NAA35: variants seen among roughly 807,000 people sequenced by gnomAD.
The protein encoded by NAA35 is N-alpha-acetyltransferase 35, NatC auxiliary subunit.
Under a neutral mutation model 101.7 loss-of-function variants are expected in NAA35, and 18 were observed. The observed-to-expected ratio is 0.18, with a 90% CI of 0.12 to 0.26. The LOEUF (loss-of-function observed/expected upper bound fraction) is 0.26, where lower values mean the gene tolerates loss of function less well. Ranked by LOEUF, NAA35 falls within the 10% of genes least tolerant of loss-of-function variation. NAA35 has a pLI of 1.00. For synonymous variants in NAA35, 267 were observed against 273.1 expected (o/e 0.98, Z 0.22); for missense variants, 601 against 886.8 (o/e 0.68, Z 4.09).
At chr9:85,960,102 T>C (rs989965090) in intron 5 of NAA35, among the ~76,000 whole-genome samples, 5 of 152,250 alleles carry the variant, frequency 3.3e-5, no homozygotes, top group Non-Finnish European at 1.5e-5. Flanking sequence ...GATAATATTA[T>C]AGCCGTGGTT....
intron 11 of NAA35, among the ~76,000 whole-genome samples, chr9:85,995,512 G>A (rs1251384132): frequency 6.6e-6 from 1 of 151,934 alleles, no homozygotes; most frequent in African/African-American, 2.4e-5. Flanking sequence ...TATTTGCGTG[G>A]TCCTAAAGAA....
chr9:86,005,082 C>G (rs576115396), intron 13 of NAA35, among the ~76,000 whole-genome samples: 2 of 152,010 alleles, frequency 1.3e-5, no homozygotes. Context: ...AAATCTTATT[C>G]CATGAACACA....
intron 1 of NAA35, 100 bp downstream of exon 1, chr9:85,941,373 C>T (rs975881650): frequency 1.0e-6 from 1 of 985,530 alleles, no homozygotes; most frequent in Non-Finnish European, 1.2e-6. Context: ...CCCCAGGTCA[C>T]CCTGCGGCCC....
chr9:85,956,470 C>T, intron 3 of NAA35, 77 bp downstream of exon 3: 2 of 774,238 alleles, frequency 2.6e-6, no homozygotes, highest in South Asian at 5.3e-5. Context: ...AGTAATATTC[C>T]CTGAAGTTTG....
intron 17 of NAA35, among the ~76,000 whole-genome samples, chr9:86,015,123 ATGGGACCTT>A (rs913826156): frequency 6.2e-4 from 94 of 152,280 alleles, no homozygotes; most frequent in African/African-American, 2.2e-3. Flanking sequence ...GAAGCAGCTA[ATGGGACCTT>A]TGTTCTTGAT....
chr9:86,004,887 A>C (rs1290479731), intron 13 of NAA35, among the ~76,000 whole-genome samples: 1 of 152,226 alleles, frequency 6.6e-6, no homozygotes, highest in Non-Finnish European at 1.5e-5. Context: ...TTATCTATTA[A>C]ATAAATCAGA....
At chr9:85,966,809 C>T in intron 6 of NAA35, 1 of 312,318 alleles carries the variant, frequency 3.2e-6, no homozygotes, top group Non-Finnish European at 5.8e-6. Context: ...ATAACTCAGC[C>T]TTAAAGAAAT....
intron 17 of NAA35, among the ~76,000 whole-genome samples, chr9:86,015,104 T>C (rs1056194163): frequency 2.0e-5 from 3 of 152,176 alleles, no homozygotes; most frequent in African/African-American, 4.8e-5. Context: ...TCAGGTTCTT[T>C]TGTGGCTTGA....
chr9:86,006,765 A>C (rs1230635234), intron 13 of NAA35, among the ~76,000 whole-genome samples: 1 of 152,194 alleles, frequency 6.6e-6, no homozygotes, highest in Non-Finnish European at 1.5e-5. Context: ...TGTTAGACTT[A>C]TAACTGTACA....
Position 85,941,574 on chromosome 9 carries a change from C to T in NAA35, c.-6+301C>T. 3 of 985,900 alleles carry T rather than the reference C, an allele frequency of 3.0e-6. No individual in the cohort carries two copies. In the South Asian group the frequency reaches 1.4e-4, roughly 46 times the overall value. 61.1% of individuals were successfully genotyped at this position (985,900 alleles called of 1,614,324 possible). On this transcript the variant is annotated intron_variant, in intron 1 of 22. Transcript: ENST00000361671. ...CGGGGCTGGGCTGGGCTGACCCGGG[C>T]AGGGCGGAAGGGAAGCGTGTGCCCG...
At chr9:85,960,713 A>G (rs1389578909) in intron 5 of NAA35, among the ~76,000 whole-genome samples, 2 of 152,212 alleles carry the variant, frequency 1.3e-5, no homozygotes, top group African/African-American at 2.4e-5. Context: ...AAAGGAGTCA[A>G]AGGATTGCTG....
chr9:85,968,870 T>C (rs55898019), intron 6 of NAA35, among the ~76,000 whole-genome samples: 10,131 of 152,230 alleles, frequency 0.067, 1,110 homozygotes, highest in African/African-American at 0.23. Context: ...CAAAGTAGTA[T>C]ATGCTTATAT....
intron 8 of NAA35, 115 bp downstream of exon 8, chr9:85,975,272 T>C: frequency 1.9e-6 from 2 of 1,064,544 alleles, no homozygotes; most frequent in Non-Finnish European, 2.7e-6. Context: ...TTTGTATTTT[T>C]TTTTTGTAAT....
At chr9:85,982,350 C>T (rs931642465) in intron 11 of NAA35, among the ~76,000 whole-genome samples, 7 of 152,132 alleles carry the variant, frequency 4.6e-5, no homozygotes, top group Non-Finnish European at 1.0e-4. Context: ...CAAAAAAATC[C>T]AGTGAAACTG....
chr9:85,955,345 TATATA>T lies in NAA35; in HGVS notation c.125-1014_125-1010del, dbSNP rs1446120511. Among the ~76,000 whole-genome samples, 383 of 72,924 alleles carry T rather than the reference TATATA, an allele frequency of 5.3e-3. 9 individuals are homozygous for T. The highest frequency in any genetic ancestry group is 0.024 in the African/African-American group (357 of 14,994). The allele number at this position is 72,924 out of a possible 152,430, so 47.8% of individuals were successfully genotyped here. A position where few individuals can be genotyped will look rare whatever the true frequency, so the allele number is the denominator to read the frequency against. ...CTATATACATATATATATATATATA[TATATA>T]TATATATATATTTTTTTTTTTTTTT... On this transcript the variant is annotated intron_variant, in intron 2 of 22. Transcript: ENST00000361671.
At chr9:85,971,479 G>C (rs1024904036) in intron 6 of NAA35, among the ~76,000 whole-genome samples, 1 of 152,052 alleles carries the variant, frequency 6.6e-6, no homozygotes, top group African/African-American at 2.4e-5. Flanking sequence ...CTCCATAACT[G>C]TTCCCTAGGT....
At chr9:85,964,955 C>G (rs1388208212) in intron 6 of NAA35, among the ~76,000 whole-genome samples, 1 of 152,188 alleles carries the variant, frequency 6.6e-6, no homozygotes, top group Admixed American at 6.5e-5. Flanking sequence ...GATCAAATAT[C>G]CATTGACGGT....
At chr9:86,020,708 T>G (rs1442618850) in intron 21 of NAA35, among the ~76,000 whole-genome samples, 181 bp from the exon 22 acceptor site, 8 of 152,090 alleles carry the variant, frequency 5.3e-5, no homozygotes, top group Non-Finnish European at 1.5e-5. Flanking sequence ...CTGGGTGTGG[T>G]GGTGCACAGC....
At chr9:86,015,064 A>G (rs1350188430) in intron 17 of NAA35, among the ~76,000 whole-genome samples, 1 of 152,202 alleles carries the variant, frequency 6.6e-6, no homozygotes, top group Non-Finnish European at 1.5e-5. Flanking sequence ...GCACCTGGCT[A>G]CTTTTGTTCC....
Sources: gnomAD v4.1 joint callset for allele counts (sites outside exome capture counted in the v4.1 genomes callset) on GRCh38, gnomAD v4.1.1 for gene constraint, MANE v1.5 for transcripts, NCBI Gene and HGNC (gene_info 2026-07-23, HGNC 2026-07-21) for gene names.